The following NSUN6 variants were observed in gnomAD, a reference collection of about 807,000 sequenced individuals.
NSUN6 encodes the protein NOP2/Sun RNA methyltransferase 6, also known as tRNA (cytosine(72)-C(5))-methyltransferase NSUN6.
NSUN6 carries 64 observed loss-of-function variants against 58.0 expected under a neutral mutation model. The ratio of observed to expected loss-of-function variants is 1.10; its 90% CI spans 0.90 to 1.36. The LOEUF (loss-of-function observed/expected upper bound fraction) is 1.36. Among genes scored for constraint, NSUN6 ranks in the 40% most tolerant of loss-of-function variants. The pLI, the probability that NSUN6 is intolerant of heterozygous loss-of-function variation, is 0.00. For missense variants in NSUN6, 701 were observed against 550.1 expected (o/e 1.27, Z -2.74); for synonymous variants, 231 against 193.9 (o/e 1.19, Z -1.59).
chr10:18,651,567 G>A lies in NSUN6; in HGVS notation c.-364C>T, dbSNP rs1394434676. 7 of 998,812 alleles carry A rather than the reference G, an allele frequency of 7.0e-6. No homozygotes were observed. Among genetic ancestry groups the A allele is most frequent in the East Asian group, 1.0e-4 (1 of 9,692 alleles). The allele number at this position is 998,812 out of a possible 1,614,324, so 61.9% of individuals were successfully genotyped here. ...CAGTAAGCCAGGCTGACAGCAGCTC[G>A]GTCCCTTTATCTTTTCTATCAATTT... On this transcript the variant is annotated 5_prime_UTR_variant, in exon 1 of 11. Transcript: ENST00000377304.
chr10:18,573,160 T>TTCCATTCCACTG (rs1056476056), intron 8 of NSUN6, among the ~76,000 whole-genome samples: 1 of 151,684 alleles, frequency 6.6e-6, no homozygotes, highest in African/African-American at 2.4e-5. Flanking sequence ...TTTCATTCCA[T>TTCCATTCCACTG]TCCATTCCAC....
intron 8 of NSUN6, among the ~76,000 whole-genome samples, chr10:18,562,777 GAT>G (rs1362937111): frequency 1.1e-4 from 12 of 110,718 alleles, no homozygotes; most frequent in East Asian, 9.1e-4. Flanking sequence ...GAATGGAATG[GAT>G]AATGGAATGG....
At chr10:18,557,521 AGAATGGAATG>A (rs552148698) in intron 8 of NSUN6, among the ~76,000 whole-genome samples, 3 of 150,796 alleles carry the variant, frequency 2.0e-5, no homozygotes, top group Admixed American at 1.3e-4. Context: ...AATGGAAGGG[AGAATGGAATG>A]GAATGGAATG....
At chr10:18,577,619 G>T (rs1467493566) in intron 8 of NSUN6, among the ~76,000 whole-genome samples, 2 of 152,176 alleles carry the variant, frequency 1.3e-5, no homozygotes, top group East Asian at 3.9e-4. Flanking sequence ...TGAAGAGAAA[G>T]AGCTATAAGG....
In NSUN6 at chr10:18,651,300, A is replaced by G; in HGVS notation, c.-97T>C. 25 of 1,436,312 alleles carry G rather than the reference A, an allele frequency of 1.7e-5. No individual in the cohort carries two copies. Among genetic ancestry groups the G allele is most frequent in the Non-Finnish European group, 2.3e-5 (25 of 1,100,518 alleles). The allele number at this position is 1,436,312 out of a possible 1,614,324, so 89.0% of individuals were successfully genotyped here. A position where few individuals can be genotyped will look rare whatever the true frequency, so the allele number is the denominator to read the frequency against. On this transcript the variant is annotated 5_prime_UTR_variant, in exon 1 of 11. Transcript: ENST00000377304. ...AATTAATAGTGACGAGTGTCTTGAC[A>G]CCAGATGCTGAGGAAAATCTTGCCG... is the stretch of plus-strand genomic sequence containing the variant.
intron 2 of NSUN6, among the ~76,000 whole-genome samples, chr10:18,642,843 T>C (rs1300046061): frequency 6.6e-6 from 1 of 152,230 alleles, no homozygotes; most frequent in Admixed American, 6.5e-5. Flanking sequence ...TTAGAAACTT[T>C]TATTTAATAT....
At chr10:18,594,753 T>C (rs1424513588) in intron 7 of NSUN6, among the ~76,000 whole-genome samples, 1 of 152,220 alleles carries the variant, frequency 6.6e-6, no homozygotes, top group Non-Finnish European at 1.5e-5. Context: ...CCACTGTGGC[T>C]GACTGCCTAC....
At chr10:18,639,254 G>C (rs1408955350) in intron 3 of NSUN6, among the ~76,000 whole-genome samples, 1 of 152,168 alleles carries the variant, frequency 6.6e-6, no homozygotes, top group East Asian at 1.9e-4. Flanking sequence ...CAGCACTTTG[G>C]GAGGGTGAGG....
At chr10:18,631,785 C>G (rs1407468928) in intron 3 of NSUN6, among the ~76,000 whole-genome samples, 1 of 151,786 alleles carries the variant, frequency 6.6e-6, no homozygotes, top group Non-Finnish European at 1.5e-5. Context: ...ACATTCCATG[C>G]TCATGGGTAG....
intron 6 of NSUN6, among the ~76,000 whole-genome samples, chr10:18,606,063 C>A (rs1173500590): frequency 6.6e-6 from 1 of 152,054 alleles, no homozygotes; most frequent in Non-Finnish European, 1.5e-5. Flanking sequence ...CAGCACAGTG[C>A]CTGATGCATA....
At chr10:18,602,046 CT>C (rs2057863416) in intron 6 of NSUN6, among the ~76,000 whole-genome samples, 1 of 151,682 alleles carries the variant, frequency 6.6e-6, no homozygotes, top group Admixed American at 6.6e-5. Context: ...GTAATTCCCC[CT>C]TCCTGGTAAT....
intron 3 of NSUN6, among the ~76,000 whole-genome samples, chr10:18,636,712 T>C (rs995259448): frequency 6.6e-6 from 1 of 151,782 alleles, no homozygotes; most frequent in African/African-American, 2.4e-5. Context: ...GCCAATATGG[T>C]GAAACCCAGT....
intron 3 of NSUN6, among the ~76,000 whole-genome samples, chr10:18,625,385 T>TAAA (rs1402274448): frequency 6.6e-6 from 1 of 152,048 alleles, no homozygotes. Context: ...AAGACCTATA[T>TAAA]AACTGAAAAG....
chr10:18,586,535 G>C (rs2057152106), intron 7 of NSUN6, among the ~76,000 whole-genome samples: 1 of 151,920 alleles, frequency 6.6e-6, no homozygotes, highest in African/African-American at 2.4e-5. Context: ...GCTGACTTGG[G>C]GAGTGAAGCG....
intron 3 of NSUN6, among the ~76,000 whole-genome samples, chr10:18,618,842 C>A (rs1221923782): frequency 6.6e-6 from 1 of 150,594 alleles, no homozygotes; most frequent in Non-Finnish European, 1.5e-5. Flanking sequence ...CTGTTTAATT[C>A]ATTGTATGAG....
intron 7 of NSUN6, 91 bp downstream of exon 7, chr10:18,596,117 A>G (rs2057575358): frequency 9.2e-7 from 1 of 1,090,816 alleles, no homozygotes; most frequent in South Asian, 1.4e-5. Context: ...TCTGAACTAA[A>G]TGAGACTGTG....
chr10:18,573,353 T>C (rs1178146093), intron 8 of NSUN6, among the ~76,000 whole-genome samples: 2 of 150,304 alleles, frequency 1.3e-5, no homozygotes, highest in African/African-American at 4.9e-5. Flanking sequence ...TTTCCATTCC[T>C]CATTCAATTT....
At chr10:18,576,562 G>T (rs2056658459) in intron 8 of NSUN6, among the ~76,000 whole-genome samples, 1 of 152,214 alleles carries the variant, frequency 6.6e-6, no homozygotes, top group Non-Finnish European at 1.5e-5. Flanking sequence ...AACAAGTCAT[G>T]CCAAGCTCTC....
intron 3 of NSUN6, among the ~76,000 whole-genome samples, chr10:18,636,828 A>T (rs1166940768): frequency 2.0e-5 from 3 of 151,898 alleles, no homozygotes; most frequent in Middle Eastern, 3.4e-3. Flanking sequence ...GGCGGAGCTT[A>T]CAATGAACCA....
Sources: gnomAD v4.1 joint callset for allele counts (sites outside exome capture counted in the v4.1 genomes callset) on GRCh38, gnomAD v4.1.1 for gene constraint, MANE v1.5 for transcripts, NCBI Gene and HGNC (gene_info 2026-07-23, HGNC 2026-07-21) for gene names.